Variants in LRRC4C observed in about 807,000 individuals in gnomAD.
The protein encoded by LRRC4C is leucine-rich repeat-containing protein 4C.
LRRC4C carries 5 observed loss-of-function variants against 33.6 expected under a neutral mutation model. The observed-to-expected ratio is 0.15, with a 90% CI of 0.08 to 0.31. The LOEUF is 0.31. Among genes scored for constraint, LRRC4C ranks in the 10% least tolerant of loss-of-function variants. The probability of loss-of-function intolerance (pLI) is 1.00; values close to 1 mark genes in which losing one functional copy is unlikely to be tolerated. For synonymous variants in LRRC4C, 329 were observed against 302.0 expected (o/e 1.09, Z -0.93); for missense variants, 560 against 796.7 (o/e 0.70, Z 3.58).
chr11:40,903,719 TAGAA>T (rs1956303008), intron 2 of LRRC4C, among the ~76,000 whole-genome samples: 1 of 152,200 alleles, frequency 6.6e-6, no homozygotes, highest in East Asian at 1.9e-4. Context: ...AAAAAATAGT[TAGAA>T]AGAATGACTA....
rs950319042 is a variant in LRRC4C at position 40,416,216 on chromosome 11, T to G, written c.-269-96495A>C. The stretch of plus-strand genomic sequence containing the variant: ...TAAATATTTTCATCTTGCACTGGGC[T>G]CTACAAATTATGTATCTGGCCCTAG... On this transcript the variant is annotated intron_variant, in intron 3 of 6. Transcript: ENST00000528697. 2.0e-5 allele frequency among the ~76,000 whole-genome samples: 3 copies of G among 152,184 alleles called. No individual in the cohort carries two copies. The East Asian group carries it at 5.8e-4, about 29-fold the overall frequency.
At chr11:40,173,747 CAT>C (rs10556185) in intron 5 of LRRC4C, among the ~76,000 whole-genome samples, 28,762 of 152,062 alleles carry the variant, frequency 0.19, 3,542 homozygotes, top group Non-Finnish European at 0.28. Flanking sequence ...GAATAAGAAA[CAT>C]AGTAAAAATA....
chr11:41,294,541 T>C (rs1053219293), intron 1 of LRRC4C, among the ~76,000 whole-genome samples: 1 of 152,220 alleles, frequency 6.6e-6, no homozygotes, highest in African/African-American at 2.4e-5. Flanking sequence ...TTTGTCCTTA[T>C]AGTAGAATAT....
Position 40,879,049 on chromosome 11 carries a change from T to C in LRRC4C, c.-407+54586A>G, listed in dbSNP as rs576170382. 3.9e-5 allele frequency among the ~76,000 whole-genome samples: 6 copies of C among 152,252 alleles called. No homozygotes were observed. In the East Asian group the frequency reaches 9.7e-4, roughly 25 times the overall value. ...TTCATGACGGACATCTTTAAAAACA[T>C]ATCATCTATAATAATACTGAGTACT... On this transcript the variant is annotated intron_variant, in intron 2 of 6. Coordinates refer to ENST00000528697, the MANE Select transcript of LRRC4C (RefSeq NM_001258419.2).
At position 40,655,611 on chromosome 11, in the gene LRRC4C, T is replaced by C. The variant is rs12276111; in HGVS notation, c.-406-7333A>G. Among the ~76,000 whole-genome samples, 1,008 of 152,254 alleles carry C rather than the reference T, an allele frequency of 6.6e-3. 18 individuals carry two copies. Among genetic ancestry groups the C allele is most frequent in the African/African-American group, 0.023 (953 of 41,554 alleles). ...TGAAGACCTCTACAGAAACCCACTG[T>C]CCTGGACAGCTTTGCACTTTGCTCA... On this transcript the variant is annotated intron_variant, in intron 2 of 6. Transcript: ENST00000528697.
intron 3 of LRRC4C, among the ~76,000 whole-genome samples, chr11:40,499,313 T>A (rs1954626045): frequency 6.6e-6 from 1 of 152,120 alleles, no homozygotes; most frequent in Non-Finnish European, 1.5e-5. Flanking sequence ...TAAACAAAAA[T>A]ATCACCATAC....
chr11:40,471,861 A>G (rs1484591867), intron 3 of LRRC4C, among the ~76,000 whole-genome samples: 1 of 152,184 alleles, frequency 6.6e-6, no homozygotes, highest in Non-Finnish European at 1.5e-5. Context: ...CAGAATATAC[A>G]TTCTTCTCAG....
chr11:41,344,927 T>C (rs1195385280), intron 1 of LRRC4C, among the ~76,000 whole-genome samples: 2 of 152,236 alleles, frequency 1.3e-5, no homozygotes, highest in Non-Finnish European at 2.9e-5. Context: ...CTGATAGTCG[T>C]TGCATTGGAA....
intron 2 of LRRC4C, among the ~76,000 whole-genome samples, chr11:40,680,514 T>C (rs939162018): frequency 5.3e-5 from 8 of 152,276 alleles, no homozygotes; most frequent in African/African-American, 1.7e-4. Flanking sequence ...TGGGAGATGA[T>C]TGAATCTTGG....
At chr11:40,441,952 G>A (rs1432074685) in intron 3 of LRRC4C, among the ~76,000 whole-genome samples, 1 of 152,032 alleles carries the variant, frequency 6.6e-6, no homozygotes, top group Non-Finnish European at 1.5e-5. Flanking sequence ...CACCAGTTCA[G>A]GAGATCGAGA....
intron 3 of LRRC4C, among the ~76,000 whole-genome samples, chr11:40,584,288 C>G (rs1325761994): frequency 6.7e-6 from 1 of 148,212 alleles, no homozygotes; most frequent in African/African-American, 2.5e-5. Flanking sequence ...CCTCTATCAT[C>G]CAGATGCCAG....
chr11:41,421,783 T>C (rs923527977), intron 1 of LRRC4C, among the ~76,000 whole-genome samples: 3 of 151,976 alleles, frequency 2.0e-5, no homozygotes, highest in Non-Finnish European at 4.4e-5. Context: ...GGAGAATTAA[T>C]TATGAATGTG....
intron 3 of LRRC4C, among the ~76,000 whole-genome samples, chr11:40,347,710 G>A (rs1236422171): frequency 3.3e-5 from 5 of 152,220 alleles, no homozygotes; most frequent in Admixed American, 6.5e-5. Context: ...CGGGGTTCGA[G>A]CGATTCTCCT....
chr11:40,671,223 G>A (rs1367357268), intron 2 of LRRC4C, among the ~76,000 whole-genome samples: 11 of 152,184 alleles, frequency 7.2e-5, no homozygotes, highest in African/African-American at 2.4e-4. Context: ...TTGAAACTGT[G>A]ATTAATCATT....
At chr11:40,359,259 A>G (rs967005843) in intron 3 of LRRC4C, among the ~76,000 whole-genome samples, 3 of 152,208 alleles carry the variant, frequency 2.0e-5, no homozygotes, top group Non-Finnish European at 4.4e-5. Context: ...TAGGCAAGCC[A>G]AACATCCTAT....
At chr11:41,004,695 GTTCA>G (rs1408345071) in intron 1 of LRRC4C, among the ~76,000 whole-genome samples, 1 of 151,962 alleles carries the variant, frequency 6.6e-6, no homozygotes, top group Non-Finnish European at 1.5e-5. Context: ...ATGCATCAGT[GTTCA>G]TTCACATAAA....
chr11:40,387,142 ATTC>A (rs1949143207), intron 3 of LRRC4C, among the ~76,000 whole-genome samples: 1 of 152,030 alleles, frequency 6.6e-6, no homozygotes, highest in African/African-American at 2.4e-5. Context: ...TTCCTTTTTT[ATTC>A]TTATTTTCTC....
At chr11:41,375,236 T>C (rs1247626066) in intron 1 of LRRC4C, among the ~76,000 whole-genome samples, 1 of 152,080 alleles carries the variant, frequency 6.6e-6, no homozygotes, top group African/African-American at 2.4e-5. Flanking sequence ...TATTATTATA[T>C]ATATTTAAAC....
At chr11:40,275,967 T>G (rs1234804397) in intron 4 of LRRC4C, among the ~76,000 whole-genome samples, 9 of 152,058 alleles carry the variant, frequency 5.9e-5, no homozygotes, top group Non-Finnish European at 1.5e-5. Context: ...CAATTACTTA[T>G]GCAAAACAGG....
Sources: gnomAD v4.1 joint callset for allele counts (sites outside exome capture counted in the v4.1 genomes callset) on GRCh38, gnomAD v4.1.1 for gene constraint, MANE v1.5 for transcripts, NCBI Gene and HGNC (gene_info 2026-07-23, HGNC 2026-07-21) for gene names.